DCAF5: variants seen among roughly 807,000 people sequenced by gnomAD.
The protein encoded by DCAF5 is DDB1- and CUL4-associated factor 5.
In DCAF5, 9 loss-of-function variants were observed where a neutral mutation model predicts 80.7. The ratio of observed to expected loss-of-function variants is 0.11; its 90% CI spans 0.07 to 0.19. DCAF5 has a LOEUF of 0.19. DCAF5 is among the 10% of genes least tolerant of loss of function. The probability of loss-of-function intolerance (pLI) is 1.00; values close to 1 mark genes in which losing one functional copy is unlikely to be tolerated. For synonymous variants in DCAF5, 433 were observed against 461.9 expected, an observed-to-expected ratio of 0.94 and a Z score of 0.80; for missense variants, 842 against 1,205.7, an observed-to-expected ratio of 0.70 and a Z score of 4.47.
At chr14:69,085,752 A>C (rs1307090420) in intron 6 of DCAF5, among the ~76,000 whole-genome samples, 1 of 152,184 alleles carries the variant, frequency 6.6e-6, no homozygotes, top group Admixed American at 6.5e-5. Flanking sequence ...CTCTTTACAA[A>C]ACAGAAAGTC....
chr14:69,152,928 G>A lies in DCAF5; in HGVS notation c.51C>T (p.Phe17=). Reference sequence around the variant, plus strand: ...CCCCATGCAAGCCCCGCTGGGACAAGAAGCCCACCACTGACCTCATGCTGC... The same window carrying A: ...CCCCATGCAAGCCCCGCTGGGACAAAAAGCCCACCACTGACCTCATGCTGC... ...LGGSMRSVVG[F]LSQRGLHGDP... The change falls in exon 1 of 9, where the codon TTC becomes TTT. Residue 17 remains phenylalanine, a synonymous_variant. Coordinates refer to ENST00000341516, the MANE Select transcript of DCAF5 (RefSeq NM_003861.3). This position sits in a 1 kb window ranked among gnomAD's most constrained non-coding sequence, Gnocchi z 4.1. 1 of 1,613,614 alleles carries A rather than the reference G, an allele frequency of 6.2e-7. No individual in the cohort carries two copies. The highest frequency in any genetic ancestry group is 8.5e-7 in the Non-Finnish European group (1 of 1,179,978).
At chr14:69,109,614 G>C (rs921202151) in intron 5 of DCAF5, among the ~76,000 whole-genome samples, 2 of 152,148 alleles carry the variant, frequency 1.3e-5, no homozygotes, top group African/African-American at 2.4e-5. Flanking sequence ...TTATGACCGT[G>C]AGATTCATCC....
intron 6 of DCAF5, among the ~76,000 whole-genome samples, chr14:69,085,898 T>G (rs1194731302): frequency 1.3e-5 from 2 of 152,208 alleles, no homozygotes; most frequent in African/African-American, 4.8e-5. Flanking sequence ...TATAACACAG[T>G]GGGCAGCATG....
chr14:69,137,718 C>A (rs2041237718), intron 1 of DCAF5, among the ~76,000 whole-genome samples: 1 of 152,210 alleles, frequency 6.6e-6, no homozygotes, highest in Non-Finnish European at 1.5e-5. Context: ...CAGTAAGCCC[C>A]TTTGCCCATG....
intron 5 of DCAF5, among the ~76,000 whole-genome samples, chr14:69,100,696 T>C (rs944095619): frequency 3.9e-5 from 6 of 152,226 alleles, no homozygotes; most frequent in African/African-American, 1.4e-4. Flanking sequence ...GTGATCAGAA[T>C]AGAAAACAGA....
At chr14:69,135,000 T>A (rs1276793685) in intron 1 of DCAF5, among the ~76,000 whole-genome samples, 1 of 152,186 alleles carries the variant, frequency 6.6e-6, no homozygotes, top group African/African-American at 2.4e-5. Flanking sequence ...AGGATTGTGA[T>A]AAAAGCAAAA....
chr14:69,152,804 T>A lies in DCAF5; in HGVS notation c.175A>T (p.Ile59Phe). Residue 59 changes from isoleucine to phenylalanine, a missense_variant, in exon 1 of 9, where the codon ATT (isoleucine) becomes TTT (phenylalanine). This residue lies in a region of DCAF5 where 142 missense variants were observed against 311.9 expected (regional missense o/e 0.46). Coordinates refer to ENST00000341516, the MANE Select transcript of DCAF5 (RefSeq NM_003861.3). This position sits in a 1 kb window ranked among gnomAD's most constrained non-coding sequence, Gnocchi z 4.1. ...TGGCCTCCATTGTTGGAGAATTCAA[T>A]GGCATTGACACAGCCGAAGTGGCCG... ...LLGHFGCVNA[I>F]EFSNNGGQWL... 1 of 1,614,028 alleles carries A rather than the reference T, an allele frequency of 6.2e-7. No homozygotes were observed. Among genetic ancestry groups the A allele is most frequent in the East Asian group, 2.2e-5 (1 of 44,856 alleles).
chr14:69,088,587 C>T (rs2039425771), intron 6 of DCAF5, among the ~76,000 whole-genome samples: 4 of 152,196 alleles, frequency 2.6e-5, no homozygotes, highest in Non-Finnish European at 5.9e-5. Flanking sequence ...TGAATAATCT[C>T]ATAATTAAAA....
intron 1 of DCAF5, among the ~76,000 whole-genome samples, chr14:69,139,031 G>A (rs1264096245): frequency 6.6e-6 from 1 of 151,930 alleles, no homozygotes; most frequent in African/African-American, 2.4e-5. Flanking sequence ...CGTGCTTGTA[G>A]TCCCAGCTAC....
chr14:69,143,464 G>A (rs1446245801), intron 1 of DCAF5, among the ~76,000 whole-genome samples: 1 of 147,728 alleles, frequency 6.8e-6, no homozygotes, highest in Non-Finnish European at 1.5e-5. Context: ...TCTTTTAAGT[G>A]TTACATATGC....
At chr14:69,129,631 A>T (rs1595048741) in intron 1 of DCAF5, among the ~76,000 whole-genome samples, 1 of 152,180 alleles carries the variant, frequency 6.6e-6, no homozygotes, top group Non-Finnish European at 1.5e-5. Flanking sequence ...ACCTGCAAAT[A>T]ATCCAAGTGA....
intron 6 of DCAF5, among the ~76,000 whole-genome samples, chr14:69,081,931 T>C (rs1354485678): frequency 6.6e-6 from 1 of 152,224 alleles, no homozygotes; most frequent in Non-Finnish European, 1.5e-5. Context: ...GATTCTCCAG[T>C]AAATGGCATG....
chr14:69,119,122 C>G, intron 3 of DCAF5, 72 bp downstream of exon 3: 2 of 1,497,832 alleles, frequency 1.3e-6, no homozygotes. Flanking sequence ...CTATTTTAGT[C>G]TAAAGAGATA....
intron 8 of DCAF5, 108 bp downstream of exon 8, chr14:69,062,276 A>G: frequency 2.6e-6 from 3 of 1,163,856 alleles, no homozygotes; most frequent in Non-Finnish European, 3.6e-6. Flanking sequence ...GAATTCTGAT[A>G]GACCTTTAGT....
intron 6 of DCAF5, among the ~76,000 whole-genome samples, chr14:69,086,789 G>A (rs967086460): frequency 6.6e-6 from 1 of 152,132 alleles, no homozygotes; most frequent in Non-Finnish European, 1.5e-5. Context: ...CCATTTTGTT[G>A]GATTCATAGG....
chr14:69,119,104 A>G, intron 3 of DCAF5, 90 bp downstream of exon 3: 1 of 1,366,928 alleles, frequency 7.3e-7, no homozygotes, highest in Middle Eastern at 1.9e-4. Context: ...TTTTTCAAAA[A>G]ACAAAAACTA....
intron 1 of DCAF5, among the ~76,000 whole-genome samples, chr14:69,149,766 C>G (rs1316183522): frequency 6.6e-6 from 1 of 152,314 alleles, no homozygotes; most frequent in South Asian, 2.1e-4. Flanking sequence ...TAAAAGTAAT[C>G]TCATTACCAT....
intron 5 of DCAF5, among the ~76,000 whole-genome samples, chr14:69,110,560 G>A (rs1187768936): frequency 6.6e-6 from 1 of 151,976 alleles, no homozygotes. Context: ...GAGCCACTGC[G>A]TCCAGTCCTT....
At chr14:69,122,441 A>G in intron 1 of DCAF5, 81 bp from the exon 2 acceptor site, 2 of 1,492,540 alleles carry the variant, frequency 1.3e-6, no homozygotes, top group African/African-American at 2.8e-5. Flanking sequence ...CTTGAATCCC[A>G]TCCTTTCCAA....
Sources: allele counts gnomAD v4.1 joint callset (sites outside exome capture counted in the v4.1 genomes callset), GRCh38; gene constraint gnomAD v4.1.1; regional missense constraint gnomAD v4.1.1; non-coding constraint Gnocchi (gnomAD v3.1); transcripts MANE v1.5; gene names NCBI Gene and HGNC (gene_info 2026-07-23, HGNC 2026-07-21).